The following ADARB2 variants were observed in gnomAD, a reference collection of about 807,000 sequenced individuals.
ADARB2 encodes the protein inactive double-stranded RNA-specific editase B2.
A neutral mutation model predicts 62.2 loss-of-function variants in ADARB2; 25 were observed. The observed-to-expected ratio is 0.40, with a 90% CI of 0.29 to 0.56. ADARB2 has a LOEUF of 0.56. ADARB2 is among the 20% of genes least tolerant of loss of function. The pLI is 0.43. For synonymous variants in ADARB2, 572 were observed against 500.8 expected (o/e 1.14, Z -1.90); for missense variants, 1,071 against 1,077.4 (o/e 0.99, Z 0.08).
In ADARB2 at chr10:1,232,748, AT is replaced by A. The variant is rs1830820777; in HGVS notation, c.1513+945del. 1.0e-4 allele frequency among the ~76,000 whole-genome samples: 15 copies of A among 143,702 alleles called. No homozygotes were observed. The East Asian group carries it at 1.9e-3, about 18-fold the overall frequency. The allele number at this position is 143,702 out of a possible 152,430, so 94.3% of individuals were successfully genotyped here. A position where few individuals can be genotyped will look rare whatever the true frequency, so the allele number is the denominator to read the frequency against. On this transcript the variant is annotated intron_variant, in intron 6 of 9. Transcript: ENST00000381312. ...GTAGTGTATGTGACATGAGTAGTGT[AT>A]GTGGTATGTGGTGTGTGTGGTATAT...
chr10:1,519,510 G>A (rs1832047733), intron 1 of ADARB2, among the ~76,000 whole-genome samples: 1 of 152,138 alleles, frequency 6.6e-6, no homozygotes. Context: ...TTTTGTGTCT[G>A]AGGAGCTCCC....
At chr10:1,375,825 ACAC>A (rs1832420203) in intron 2 of ADARB2, among the ~76,000 whole-genome samples, 1 of 150,660 alleles carries the variant, frequency 6.6e-6, no homozygotes, top group South Asian at 2.1e-4. Flanking sequence ...ATGCACACAC[ACAC>A]GTGCACACAC....
chr10:1,726,998 C>T (rs566040696), intron 1 of ADARB2, among the ~76,000 whole-genome samples: 3 of 152,290 alleles, frequency 2.0e-5, no homozygotes, highest in Non-Finnish European at 2.9e-5. Context: ...TCTGTTCCTG[C>T]TTAATCTCTA....
chr10:1,203,384 G>A (rs1396833547), intron 7 of ADARB2, among the ~76,000 whole-genome samples: 3 of 152,202 alleles, frequency 2.0e-5, no homozygotes, highest in Non-Finnish European at 2.9e-5. Flanking sequence ...CTGCAGGTGC[G>A]CCGGCATCAG....
intron 6 of ADARB2, among the ~76,000 whole-genome samples, chr10:1,221,285 C>T (rs535337016): frequency 1.5e-4 from 23 of 152,252 alleles, no homozygotes; most frequent in African/African-American, 5.5e-4. Flanking sequence ...TTCTGACAGT[C>T]CAAGTCATCA....
intron 1 of ADARB2, among the ~76,000 whole-genome samples, chr10:1,709,357 G>A (rs990909875): frequency 2.0e-4 from 31 of 152,260 alleles, no homozygotes; most frequent in African/African-American, 7.0e-4. Context: ...TCTTCTCTAC[G>A]TCCTGCCAAG....
At chr10:1,246,299 C>T (rs1830986230) in intron 4 of ADARB2, among the ~76,000 whole-genome samples, 1 of 150,002 alleles carries the variant, frequency 6.7e-6, no homozygotes, top group Non-Finnish European at 1.5e-5. Context: ...CCTGTTCACT[C>T]TGATGGTAGT....
intron 1 of ADARB2, among the ~76,000 whole-genome samples, chr10:1,657,943 TTCTCTG>T (rs1462787310): frequency 7.4e-6 from 1 of 135,650 alleles, no homozygotes; most frequent in Non-Finnish European, 1.7e-5. Context: ...CTTTATCTGA[TTCTCTG>T]TCTGTGTCTG....
At chr10:1,543,849 G>A (rs758585679) in intron 1 of ADARB2, among the ~76,000 whole-genome samples, 17 of 152,146 alleles carry the variant, frequency 1.1e-4, no homozygotes, top group Non-Finnish European at 2.2e-4. Context: ...CGCCCGTGAC[G>A]TGAGGCAGCT....
At chr10:1,318,264 G>A (rs1399433982) in intron 3 of ADARB2, among the ~76,000 whole-genome samples, 1 of 152,166 alleles carries the variant, frequency 6.6e-6, no homozygotes, top group African/African-American at 2.4e-5. Flanking sequence ...CAGGAACGTG[G>A]TAAAGCCCAT....
intron 1 of ADARB2, among the ~76,000 whole-genome samples, chr10:1,669,587 CACAA>C (rs1483901593): frequency 1.3e-5 from 2 of 151,392 alleles, no homozygotes; most frequent in African/African-American, 2.4e-5. Context: ...CAGACTCACT[CACAA>C]ACACAGACAC....
intron 1 of ADARB2, among the ~76,000 whole-genome samples, chr10:1,717,498 C>CCTTT (rs753748979): frequency 6.6e-6 from 1 of 151,556 alleles, no homozygotes; most frequent in Non-Finnish European, 1.5e-5. Flanking sequence ...TCCTTCCTTT[C>CCTTT]CTTTCTTTCT....
At chr10:1,215,035 C>G (rs929484284) in intron 7 of ADARB2, among the ~76,000 whole-genome samples, 2 of 152,020 alleles carry the variant, frequency 1.3e-5, no homozygotes, top group African/African-American at 4.8e-5. Flanking sequence ...GTGTAGATCC[C>G]GGGGAGCAGA....
Position 1,220,279 on chromosome 10 carries a change from ATGGTGATGGTGG to A in ADARB2, c.1514-3172_1514-3161del, listed in dbSNP as rs1442937039. Among the ~76,000 whole-genome samples, 63 of 55,826 alleles carry A rather than the reference ATGGTGATGGTGG, an allele frequency of 1.1e-3. 3 individuals are homozygous for A. The East Asian group carries it at 0.021, about 19-fold the overall frequency. The allele number at this position is 55,826 out of a possible 152,430, so 36.6% of individuals were successfully genotyped here. ...GGTGATGATGGTGGTGATGATGGTA[ATGGTGATGGTGG>A]TGGTGATGGTGGTGATGGTGGTAAT... On this transcript the variant is annotated intron_variant, in intron 6 of 9. Coordinates refer to ENST00000381312, the MANE Select transcript of ADARB2 (RefSeq NM_018702.4).
intron 3 of ADARB2, among the ~76,000 whole-genome samples, chr10:1,346,336 C>T (rs1271405372): frequency 6.6e-6 from 1 of 152,190 alleles, no homozygotes; most frequent in African/African-American, 2.4e-5. Flanking sequence ...TCGTCTCTCA[C>T]CAACCGCGAG....
intron 1 of ADARB2, among the ~76,000 whole-genome samples, chr10:1,691,083 GGACT>G (rs1834666685): frequency 1.3e-5 from 2 of 152,128 alleles, no homozygotes; most frequent in African/African-American, 4.8e-5. Flanking sequence ...ACCTCAGAAG[GGACT>G]GTATTTGGAC....
intron 8 of ADARB2, among the ~76,000 whole-genome samples, chr10:1,185,490 A>C (rs1206671217): frequency 1.5e-5 from 2 of 133,662 alleles, no homozygotes; most frequent in Non-Finnish European, 3.3e-5. Context: ...AGTTTAGCTG[A>C]TGAGAAAAAC....
chr10:1,725,944 G>A (rs966433421), intron 1 of ADARB2, among the ~76,000 whole-genome samples: 11 of 152,254 alleles, frequency 7.2e-5, no homozygotes, highest in Admixed American at 1.3e-4. Flanking sequence ...GCTAACCCCA[G>A]AATTCTACTG....
chr10:1,348,027 G>T (rs1017342917), intron 3 of ADARB2, among the ~76,000 whole-genome samples: 1 of 151,838 alleles, frequency 6.6e-6, no homozygotes, highest in Non-Finnish European at 1.5e-5. Flanking sequence ...GACAGGGACC[G>T]AGAGAGACAG....
Sources: allele counts gnomAD v4.1 joint callset (sites outside exome capture counted in the v4.1 genomes callset), GRCh38; gene constraint gnomAD v4.1.1; transcripts MANE v1.5; gene names NCBI Gene and HGNC (gene_info 2026-07-23, HGNC 2026-07-21).